The following SLC30A9 variants were observed in gnomAD, a reference collection of about 807,000 sequenced individuals.
The protein encoded by SLC30A9 is solute carrier family 30 member 9, also known as proton-coupled zinc antiporter SLC30A9, mitochondrial.
In SLC30A9, 58 loss-of-function variants were observed where a neutral mutation model predicts 87.5. That is an observed-to-expected ratio of 0.66 (90% CI 0.54 to 0.82). The LOEUF is 0.82. Among genes scored for constraint, SLC30A9 ranks in the 40% least tolerant of loss-of-function variants. The probability of loss-of-function intolerance (pLI) is 0.00; values close to 1 mark genes in which losing one functional copy is unlikely to be tolerated. For missense variants in SLC30A9, 557 were observed against 679.1 expected (o/e 0.82, Z 2.00); for synonymous variants, 234 against 233.0 (o/e 1.00, Z -0.04).
intron 9 of SLC30A9, among the ~76,000 whole-genome samples, chr4:42,057,532 C>T (rs991169082): frequency 6.6e-6 from 1 of 152,186 alleles, no homozygotes; most frequent in Non-Finnish European, 1.5e-5. Flanking sequence ...GCACTAAGCT[C>T]CCAGACTGCA....
In SLC30A9 at chr4:42,001,804, C is replaced by CT. The variant is rs768736142; in HGVS notation, c.274+30dup. ...AGGTATGTGTAATTTTTTTAATGTA[C>CT]TTTTTTCTGTATACTGGAATAGTTT... On this transcript the variant is annotated intron_variant, in intron 2 of 17. Transcript: ENST00000264451. The CT allele has an allele frequency of 3.5e-5, 54 of 1,556,716 alleles. No homozygotes were observed. In the African/African-American group the frequency reaches 5.9e-4, roughly 17 times the overall value.
At chr4:42,035,838 A>G (rs966006268) in intron 7 of SLC30A9, among the ~76,000 whole-genome samples, 9 of 152,096 alleles carry the variant, frequency 5.9e-5, no homozygotes, top group African/African-American at 1.9e-4. Context: ...TAAAGTCATA[A>G]CCATGTTATG....
Position 42,040,800 on chromosome 4 carries a change from AAAAAAAAAAAG to A in SLC30A9, c.737+1753_737+1763del, listed in dbSNP as rs1369333519. ...GACAGAGCCAGACTCTGTCTCAAAA[AAAAAAAAAAAG>A]AAAAAGAAAAAGGTGGAGGAAAAAG... On this transcript the variant is annotated intron_variant, in intron 8 of 17. Transcript: ENST00000264451. Among the ~76,000 whole-genome samples the A allele has an allele frequency of 3.9e-3, 469 of 120,846 alleles. 3 individuals are homozygous for A. The highest frequency in any genetic ancestry group is 0.014 in the African/African-American group (449 of 32,508). 79.3% of individuals were successfully genotyped at this position (120,846 alleles called of 152,430 possible).
At chr4:42,046,631 A>G (rs1291222222) in intron 8 of SLC30A9, among the ~76,000 whole-genome samples, 1 of 152,324 alleles carries the variant, frequency 6.6e-6, no homozygotes, top group East Asian at 1.9e-4. Context: ...AGGAATAATC[A>G]ATATCATGAA....
intron 11 of SLC30A9, among the ~76,000 whole-genome samples, chr4:42,063,544 C>T (rs1398026325): frequency 1.3e-5 from 2 of 152,132 alleles, no homozygotes; most frequent in Non-Finnish European, 2.9e-5. Flanking sequence ...GCATCCTGGG[C>T]TTCCTTCAGG....
At chr4:42,043,740 G>C (rs997555068) in intron 8 of SLC30A9, among the ~76,000 whole-genome samples, 1 of 152,162 alleles carries the variant, frequency 6.6e-6, no homozygotes, top group African/African-American at 2.4e-5. Context: ...CAGTCCTCGA[G>C]AAGAGCAACC....
At chr4:42,062,222 AT>A (rs1431448419) in intron 10 of SLC30A9, among the ~76,000 whole-genome samples, 6 of 152,058 alleles carry the variant, frequency 3.9e-5, no homozygotes, top group Admixed American at 1.3e-4. Context: ...TCTTGTTTAA[AT>A]TTGTATTTCT....
intron 8 of SLC30A9, among the ~76,000 whole-genome samples, chr4:42,043,162 AC>A (rs533460116): frequency 8.7e-4 from 132 of 152,084 alleles, no homozygotes; most frequent in African/African-American, 3.1e-3. Context: ...AAACCAGAAC[AC>A]CTCTTCTCCT....
chr4:42,012,206 A>C (rs967821443), intron 2 of SLC30A9, among the ~76,000 whole-genome samples: 2 of 152,148 alleles, frequency 1.3e-5, no homozygotes, highest in African/African-American at 4.8e-5. Context: ...AAACAACCCA[A>C]CTTAAAAGCT....
intron 10 of SLC30A9, among the ~76,000 whole-genome samples, chr4:42,061,418 C>T (rs1453123860): frequency 6.6e-6 from 1 of 152,172 alleles, no homozygotes. Context: ...TTGAAATCAC[C>T]TGAAGTAATA....
intron 2 of SLC30A9, among the ~76,000 whole-genome samples, chr4:42,013,058 A>C (rs1289693353): frequency 1.3e-5 from 2 of 152,168 alleles, no homozygotes; most frequent in African/African-American, 4.8e-5. Context: ...AGGTGGGAGG[A>C]TCACTTGAGC....
intron 10 of SLC30A9, among the ~76,000 whole-genome samples, chr4:42,060,959 A>G (rs559019220): frequency 3.9e-5 from 6 of 152,268 alleles, no homozygotes; most frequent in Non-Finnish European, 7.4e-5. Flanking sequence ...CATAAATAAC[A>G]TATTTGAATG....
intron 8 of SLC30A9, among the ~76,000 whole-genome samples, chr4:42,048,916 GT>G (rs1232058134): frequency 1.3e-5 from 2 of 152,042 alleles, no homozygotes; most frequent in Non-Finnish European, 2.9e-5. Context: ...CCTAAACAAA[GT>G]TTTTTAAGGC....
intron 3 of SLC30A9, 78 bp from the exon 4 acceptor site, chr4:42,020,338 T>G: frequency 1.5e-6 from 1 of 667,380 alleles, no homozygotes; most frequent in Non-Finnish European, 2.6e-6. Flanking sequence ...GTGAAGCCTC[T>G]TAAGTATCAG....
chr4:42,068,059 C>A (rs1280673697), intron 14 of SLC30A9, among the ~76,000 whole-genome samples: 1 of 152,102 alleles, frequency 6.6e-6, no homozygotes, highest in Non-Finnish European at 1.5e-5. Flanking sequence ...CTCACCACCC[C>A]TACTATTGCT....
intron 1 of SLC30A9, among the ~76,000 whole-genome samples, chr4:41,994,654 C>G (rs1714613000): frequency 6.6e-6 from 1 of 151,474 alleles, no homozygotes. Context: ...TCCTCAACCT[C>G]TTTAAATAAC....
intron 17 of SLC30A9, among the ~76,000 whole-genome samples, chr4:42,084,354 G>A (rs1489437989): frequency 6.6e-6 from 1 of 152,052 alleles, no homozygotes; most frequent in Non-Finnish European, 1.5e-5. Flanking sequence ...TGTAGATTTA[G>A]TTCTTTTATA....
chr4:41,991,887 T>G (rs905561158), intron 1 of SLC30A9, among the ~76,000 whole-genome samples: 2 of 152,238 alleles, frequency 1.3e-5, no homozygotes, highest in Non-Finnish European at 2.9e-5. Flanking sequence ...TATTCGTATC[T>G]TTTATTTGCA....
chr4:42,066,679 T>C, intron 13 of SLC30A9, 58 bp downstream of exon 13: 1 of 1,107,272 alleles, frequency 9.0e-7, no homozygotes, highest in Middle Eastern at 2.0e-4. Flanking sequence ...TAAAATTACT[T>C]AGTACTGTTA....
Sources: allele counts gnomAD v4.1 joint callset (sites outside exome capture counted in the v4.1 genomes callset), GRCh38; gene constraint gnomAD v4.1.1; transcripts MANE v1.5; gene names NCBI Gene and HGNC (gene_info 2026-07-23, HGNC 2026-07-21).